Variants in LMO7 observed in about 807,000 individuals in gnomAD.
The protein encoded by LMO7 is LIM domain only protein 7.
Under a neutral mutation model 206.5 loss-of-function variants are expected in LMO7, and 120 were observed. The ratio of observed to expected loss-of-function variants is 0.58; its 90% confidence interval spans 0.50 to 0.68. LMO7 has a LOEUF of 0.68. Among genes scored for constraint, LMO7 ranks in the 30% least tolerant of loss-of-function variants. The probability of loss-of-function intolerance (pLI) is 0.00; values close to 1 mark genes in which losing one functional copy is unlikely to be tolerated. For synonymous variants in LMO7, 706 were observed against 681.5 expected, an observed-to-expected ratio of 1.04 and a Z score of -0.56; for missense variants, 1,959 against 1,957.9, an observed-to-expected ratio of 1.00 and a Z score of -0.01.
At position 75,831,820 on chromosome 13, in the gene LMO7, A is replaced by C. The variant is rs576390465; in HGVS notation, c.2950-1231A>C. Reference sequence around the variant, plus strand: ...CCTGTTAAAGGTAACACTTCCCAGCACTACCACATTGGCAATTAAATTTTA... The same window carrying C: ...CCTGTTAAAGGTAACACTTCCCAGCCCTACCACATTGGCAATTAAATTTTA... On this transcript the variant is annotated intron_variant, in intron 15 of 30. Transcript: ENST00000377534. Among the ~76,000 whole-genome samples, 23 of 152,288 alleles carry C rather than the reference A, an allele frequency of 1.5e-4. No homozygotes were observed. The South Asian group carries it at 4.8e-3, about 32-fold the overall frequency.
At chr13:75,718,058 A>G (rs1272164337) in intron 2 of LMO7, among the ~76,000 whole-genome samples, 1 of 152,246 alleles carries the variant, frequency 6.6e-6, no homozygotes, top group Non-Finnish European at 1.5e-5. Flanking sequence ...CATAAAAATG[A>G]ATGTAAAAAT....
chr13:75,760,244 C>T, intron 3 of LMO7: 1 of 480,394 alleles, frequency 2.1e-6, no homozygotes, highest in Non-Finnish European at 2.7e-6. Context: ...GATATGAGGG[C>T]AACCTTGGAG....
intron 8 of LMO7, 93 bp downstream of exon 8, chr13:75,804,634 T>C: frequency 7.1e-7 from 1 of 1,400,594 alleles, no homozygotes. Flanking sequence ...TAAATGTGTT[T>C]CATAGATCAT....
At chr13:75,687,287 G>A (rs2041094425) in intron 1 of LMO7, among the ~76,000 whole-genome samples, 1 of 152,112 alleles carries the variant, frequency 6.6e-6, no homozygotes, top group South Asian at 2.1e-4. Context: ...CAGAGTCTTG[G>A]GTGACTGGAA....
intron 15 of LMO7, among the ~76,000 whole-genome samples, chr13:75,825,503 T>C (rs1281357198): frequency 6.6e-6 from 1 of 152,236 alleles, no homozygotes; most frequent in African/African-American, 2.4e-5. Context: ...TCAATTAATG[T>C]GGCACTGTTT....
intron 1 of LMO7, among the ~76,000 whole-genome samples, chr13:75,644,894 C>A (rs1566269453): frequency 6.6e-6 from 1 of 152,198 alleles, no homozygotes; most frequent in Non-Finnish European, 1.5e-5. Flanking sequence ...GGCCTCCCAA[C>A]CTGTTGGGAT....
intron 3 of LMO7, among the ~76,000 whole-genome samples, chr13:75,731,430 C>T (rs566820654): frequency 1.3e-5 from 2 of 152,262 alleles, no homozygotes; most frequent in East Asian, 1.9e-4. Flanking sequence ...AAGTCTGTTT[C>T]ATCAGAGACT....
intron 17 of LMO7, 144 bp from the exon 18 acceptor site, chr13:75,835,089 A>G (rs1412221700): frequency 4.9e-6 from 5 of 1,015,874 alleles, no homozygotes; most frequent in South Asian, 2.7e-5. Flanking sequence ...TGTGCATTCA[A>G]TGACTTTATT....
chr13:75,623,233 T>G (rs2033561135), intron 1 of LMO7: 1 of 1,004,690 alleles, frequency 1.0e-6, no homozygotes. Context: ...TTTTCTGTAT[T>G]GGTTTTTTAA....
At chr13:75,733,612 A>C (rs1357161677) in intron 3 of LMO7, among the ~76,000 whole-genome samples, 3 of 152,080 alleles carry the variant, frequency 2.0e-5, no homozygotes, top group Non-Finnish European at 4.4e-5. Flanking sequence ...GCTTTGGCTC[A>C]TGCATCGTGC....
At chr13:75,824,014 A>G in intron 15 of LMO7, 141 bp downstream of exon 15, 1 of 674,892 alleles carries the variant, frequency 1.5e-6, no homozygotes, top group Non-Finnish European at 2.5e-6. Flanking sequence ...TACTTTGAAC[A>G]GATCTTGGAG....
chr13:75,842,861 T>C lies in LMO7; in HGVS notation c.4042T>C (p.Ser1348Pro), dbSNP rs1312777014. The C allele has an allele frequency of 6.2e-7, 1 of 1,604,524 alleles. No homozygotes were observed. Among genetic ancestry groups the C allele is most frequent in the Admixed American group, 1.7e-5 (1 of 60,010 alleles). ...RIYQYRRPVD[S>P]YDIPKTEEAS... ...TTTTCTATCTTTTAGGCCTGTTGAT[T>C]CCTATGATATACCAAAGACAGAAGA... The change falls in exon 25 of 31, where the codon TCC becomes CCC. Residue 1348 changes from serine (S) to proline (P), a missense_variant. Physicochemically the swap from Ser to Pro is moderately conservative, Grantham distance 74 (BLOSUM62 -1). Transcript: ENST00000377534.
At chr13:75,840,519 G>T (rs781661581) in intron 22 of LMO7, 24 bp downstream of exon 22, 3 of 1,610,272 alleles carry the variant, frequency 1.9e-6, no homozygotes, top group South Asian at 2.2e-5. Flanking sequence ...ACGTGGACGG[G>T]TAGAAACTAG....
At chr13:75,809,327 C>G (rs2055985805) in intron 11 of LMO7, 144 bp downstream of exon 11, 2 of 662,716 alleles carry the variant, frequency 3.0e-6, no homozygotes, top group African/African-American at 3.7e-5. Flanking sequence ...GTTTATCTTG[C>G]AACCTAATGG....
intron 1 of LMO7, among the ~76,000 whole-genome samples, chr13:75,638,341 G>T (rs369900133): frequency 6.6e-6 from 1 of 151,954 alleles, no homozygotes; most frequent in East Asian, 1.9e-4. Flanking sequence ...AATTATGTAG[G>T]TTTTCTCCAA....
intron 3 of LMO7, among the ~76,000 whole-genome samples, chr13:75,735,875 A>G (rs932451253): frequency 6.6e-5 from 10 of 152,002 alleles, no homozygotes; most frequent in Non-Finnish European, 1.5e-5. Flanking sequence ...AAGTTTCAAT[A>G]GTATTGAAAA....
intron 3 of LMO7, among the ~76,000 whole-genome samples, chr13:75,750,382 T>A (rs2047180394): frequency 2.0e-5 from 3 of 149,442 alleles, no homozygotes; most frequent in African/African-American, 7.4e-5. Context: ...GGATCCTTTT[T>A]TTTTTTTTTT....
chr13:75,692,463 G>T (rs1395291501), intron 1 of LMO7, among the ~76,000 whole-genome samples: 1 of 149,508 alleles, frequency 6.7e-6, no homozygotes. Context: ...ATAACTTACT[G>T]CAGCCTTGAA....
intron 3 of LMO7, among the ~76,000 whole-genome samples, chr13:75,743,014 A>T (rs1276285025): frequency 6.6e-6 from 1 of 152,220 alleles, no homozygotes; most frequent in Non-Finnish European, 1.5e-5. Flanking sequence ...AGCAACTTAA[A>T]CAAATGTACA....
Sources: allele counts gnomAD v4.1 joint callset (sites outside exome capture counted in the v4.1 genomes callset), GRCh38; gene constraint gnomAD v4.1.1; transcripts MANE v1.5; gene names NCBI Gene and HGNC (gene_info 2026-07-23, HGNC 2026-07-21).